The following CDH18 variants were observed in gnomAD, a reference collection of about 807,000 sequenced individuals.
The protein encoded by CDH18 is cadherin 18, also known as cadherin-18.
CDH18 carries 31 observed loss-of-function variants against 67.9 expected under a neutral mutation model. The ratio of observed to expected loss-of-function variants is 0.46; its 90% confidence interval spans 0.34 to 0.62. The LOEUF (loss-of-function observed/expected upper bound fraction) is 0.62, where lower values mean the gene tolerates loss of function less well. Ranked by LOEUF, CDH18 falls within the 20% of genes least tolerant of loss-of-function variation. The probability of loss-of-function intolerance (pLI) is 0.01; values close to 1 mark genes in which losing one functional copy is unlikely to be tolerated. For missense variants in CDH18, 890 were observed against 975.5 expected, an observed-to-expected ratio of 0.91 and a Z score of 1.17; for synonymous variants, 362 against 347.2, an observed-to-expected ratio of 1.04 and a Z score of -0.48.
chr5:20,354,639 T>G (rs529823183), intron 1 of CDH18, among the ~76,000 whole-genome samples: 2 of 152,232 alleles, frequency 1.3e-5, no homozygotes, highest in Admixed American at 1.3e-4. Context: ...CTCGAACCCC[T>G]GAATTCAAGC....
chr5:20,317,134 G>A (rs894235081), intron 1 of CDH18, among the ~76,000 whole-genome samples: 1 of 151,820 alleles, frequency 6.6e-6, no homozygotes, highest in South Asian at 2.1e-4. Context: ...TAAACTTTTT[G>A]CTTTTGCCTT....
rs534671258 is a variant in CDH18 at position 20,523,759 on chromosome 5, C to T, written c.-580+51703G>A. Among the ~76,000 whole-genome samples, 11 of 152,220 alleles carry T rather than the reference C, an allele frequency of 7.2e-5. No homozygotes were observed. The South Asian group carries it at 8.3e-4, about 11-fold the overall frequency. Reference sequence around the variant, plus strand: ...TTCACCATATTGGCCAGGCTGGTCTCGAACTCCTGACCTCAAGTGATCTGC... The same window carrying T: ...TTCACCATATTGGCCAGGCTGGTCTTGAACTCCTGACCTCAAGTGATCTGC... On this transcript the variant is annotated intron_variant, in intron 1 of 14. Transcript: ENST00000507958.
chr5:20,471,853 C>CAAAAAAAAAAAAAAAAAAAAAAAAAAAAA (rs1554005562), intron 1 of CDH18, among the ~76,000 whole-genome samples: 2 of 56,486 alleles, frequency 3.5e-5, no homozygotes, highest in African/African-American at 5.3e-5. Flanking sequence ...AAAAAAAAAG[C>CAAAAAAAAAAAAAAAAAAAAAAAAAAAAA]AAAAGCATTG....
intron 1 of CDH18, among the ~76,000 whole-genome samples, chr5:20,293,906 G>C (rs1747289709): frequency 6.6e-6 from 1 of 152,080 alleles, no homozygotes; most frequent in Non-Finnish European, 1.5e-5. Flanking sequence ...GTGTACTGTT[G>C]GTTGATTTAT....
intron 11 of CDH18, among the ~76,000 whole-genome samples, chr5:19,494,110 GT>G (rs1741910039): frequency 6.6e-6 from 1 of 152,082 alleles, no homozygotes; most frequent in Non-Finnish European, 1.5e-5. Flanking sequence ...AATTCACTGT[GT>G]GGAAATTTGT....
At chr5:20,018,170 T>C (rs1287811972) in intron 2 of CDH18, among the ~76,000 whole-genome samples, 1 of 152,158 alleles carries the variant, frequency 6.6e-6, no homozygotes, top group Non-Finnish European at 1.5e-5. Flanking sequence ...GGTTAAGTAT[T>C]TAATAACTTG....
chr5:20,083,375 T>G (rs1217824268), intron 2 of CDH18, among the ~76,000 whole-genome samples: 1 of 152,220 alleles, frequency 6.6e-6, no homozygotes, highest in African/African-American at 2.4e-5. Context: ...CTGTGGTTTT[T>G]TTGTTGTTGT....
intron 2 of CDH18, among the ~76,000 whole-genome samples, chr5:20,086,380 C>T (rs115170987): frequency 1.1e-3 from 168 of 152,232 alleles, no homozygotes; most frequent in African/African-American, 3.3e-3. Flanking sequence ...GAAGCTACAC[C>T]GATTTATCTG....
chr5:20,491,906 A>T (rs1246013113), intron 1 of CDH18, among the ~76,000 whole-genome samples: 1 of 152,132 alleles, frequency 6.6e-6, no homozygotes, highest in African/African-American at 2.4e-5. Context: ...TTTCTTAAAC[A>T]TTGGAATTCA....
intron 4 of CDH18, among the ~76,000 whole-genome samples, chr5:19,745,928 C>A (rs901709290): frequency 6.6e-6 from 1 of 151,766 alleles, no homozygotes; most frequent in Non-Finnish European, 1.5e-5. Context: ...CATATATATA[C>A]ATATACACAT....
intron 3 of CDH18, among the ~76,000 whole-genome samples, chr5:19,775,542 TG>T (rs201998927): frequency 2.6e-5 from 4 of 151,572 alleles, no homozygotes; most frequent in African/African-American, 4.9e-5. Flanking sequence ...AGAAAGACAG[TG>T]GGGGGGAGAT....
chr5:19,789,591 C>CA (rs1416829805), intron 3 of CDH18, among the ~76,000 whole-genome samples: 3 of 151,850 alleles, frequency 2.0e-5, no homozygotes, highest in Non-Finnish European at 4.4e-5. Context: ...TTGATGATGA[C>CA]AAAAAATACG....
At chr5:19,979,635 G>T (rs2150357795) in intron 2 of CDH18, among the ~76,000 whole-genome samples, 1 of 152,080 alleles carries the variant, frequency 6.6e-6, no homozygotes, top group South Asian at 2.1e-4. Flanking sequence ...TACCTAGTCA[G>T]GTCTGAAAAA....
At chr5:19,748,833 G>C (rs768966423) in intron 3 of CDH18, among the ~76,000 whole-genome samples, 3 of 152,000 alleles carry the variant, frequency 2.0e-5, no homozygotes, top group Non-Finnish European at 4.4e-5. Flanking sequence ...GATAGTATGG[G>C]AATAATTTCA....
intron 2 of CDH18, among the ~76,000 whole-genome samples, chr5:20,049,844 G>A (rs1225914936): frequency 6.6e-6 from 1 of 151,710 alleles, no homozygotes; most frequent in East Asian, 1.9e-4. Flanking sequence ...TGGACAGGAA[G>A]CCAGAATGAG....
chr5:19,871,776 A>G (rs184972770), intron 2 of CDH18, among the ~76,000 whole-genome samples: 52 of 152,280 alleles, frequency 3.4e-4, no homozygotes, highest in Non-Finnish European at 5.7e-4. Flanking sequence ...AAGTTTTTAT[A>G]GAACAGGCCT....
intron 2 of CDH18, among the ~76,000 whole-genome samples, chr5:20,122,451 A>T (rs1163873358): frequency 6.6e-6 from 1 of 152,216 alleles, no homozygotes; most frequent in African/African-American, 2.4e-5. Context: ...GAAAAAGAAA[A>T]CAGATACGTT....
chr5:19,994,440 C>G lies in CDH18; in HGVS notation c.-517-2426G>C, dbSNP rs191960619. On this transcript the variant is annotated intron_variant, in intron 2 of 14. Coordinates refer to the CDH18 transcript ENST00000507958. ...CTATCATTGAACATTAATGTCATCC[C>G]AAGTTTTTGATATAAACAATGCTTT... 7.8e-4 allele frequency among the ~76,000 whole-genome samples: 118 copies of G among 150,592 alleles called. No individual in the cohort carries two copies. In the Middle Eastern group the frequency reaches 0.014, roughly 18 times the overall value.
intron 2 of CDH18, among the ~76,000 whole-genome samples, chr5:19,961,091 T>C (rs1045514618): frequency 6.9e-5 from 10 of 144,430 alleles, no homozygotes; most frequent in East Asian, 2.1e-4. Flanking sequence ...ATTTTTCAAC[T>C]ACATTATAAT....
Sources: allele counts gnomAD v4.1 joint callset (sites outside exome capture counted in the v4.1 genomes callset), GRCh38; gene constraint gnomAD v4.1.1; transcripts MANE v1.5; gene names NCBI Gene and HGNC (gene_info 2026-07-23, HGNC 2026-07-21).